Variants in PALM2AKAP2 observed in about 807,000 individuals in gnomAD.
The protein encoded by PALM2AKAP2 is PALM2-AKAP2 fusion protein.
PALM2AKAP2 carries 37 observed loss-of-function variants against 71.5 expected under a neutral mutation model. The ratio of observed to expected loss-of-function variants is 0.52; its 90% CI spans 0.40 to 0.68. The LOEUF (loss-of-function observed/expected upper bound fraction) is 0.68. PALM2AKAP2 is among the 30% of genes least tolerant of loss of function. The probability of loss-of-function intolerance (pLI) is 0.00; values close to 1 mark genes in which losing one functional copy is unlikely to be tolerated. For synonymous variants in PALM2AKAP2, 468 were observed against 478.8 expected (o/e 0.98, Z 0.29); for missense variants, 1,224 against 1,191.8 (o/e 1.03, Z -0.40).
intron 6 of PALM2AKAP2, among the ~76,000 whole-genome samples, chr9:110,007,739 G>A (rs1030326709): frequency 6.6e-6 from 1 of 152,142 alleles, no homozygotes; most frequent in Non-Finnish European, 1.5e-5. Flanking sequence ...CTCACGAAAG[G>A]CTAATAATTG....
At chr9:109,797,894 T>C (rs1471532889) in intron 1 of PALM2AKAP2, among the ~76,000 whole-genome samples, 1 of 152,210 alleles carries the variant, frequency 6.6e-6, no homozygotes, top group Non-Finnish European at 1.5e-5. Context: ...CCTAGTTCTT[T>C]TTTCCCCTAG....
chr9:110,129,083 G>A (rs1170318209), intron 1 of PALM2AKAP2, among the ~76,000 whole-genome samples: 1 of 152,166 alleles, frequency 6.6e-6, no homozygotes, highest in Admixed American at 6.5e-5. Flanking sequence ...GTGGCCAGAG[G>A]AAACAGAACC....
At chr9:110,086,901 T>A (rs970746028) in intron 1 of PALM2AKAP2, among the ~76,000 whole-genome samples, 11 of 152,338 alleles carry the variant, frequency 7.2e-5, no homozygotes, top group Admixed American at 3.3e-4. Context: ...TCCTTGGCAT[T>A]CAAAGCCTAG....
At chr9:109,950,661 A>G (rs780100483) in intron 6 of PALM2AKAP2, among the ~76,000 whole-genome samples, 79 of 152,180 alleles carry the variant, frequency 5.2e-4, no homozygotes, top group Non-Finnish European at 8.5e-4. Context: ...AGACAAGGTT[A>G]TATCTACTCC....
At chr9:110,077,020 G>A (rs1321306990) in intron 1 of PALM2AKAP2, among the ~76,000 whole-genome samples, 1 of 152,162 alleles carries the variant, frequency 6.6e-6, no homozygotes, top group African/African-American at 2.4e-5. Flanking sequence ...ATTCCAGTAG[G>A]CCTTTTATTC....
intron 1 of PALM2AKAP2, among the ~76,000 whole-genome samples, chr9:109,681,661 A>T (rs755869613): frequency 7.2e-5 from 11 of 152,218 alleles, no homozygotes; most frequent in African/African-American, 2.7e-4. Context: ...TTTTTCAGAG[A>T]AAGCTGAATG....
chr9:110,109,045 C>T (rs570446489), intron 1 of PALM2AKAP2, among the ~76,000 whole-genome samples: 5 of 152,026 alleles, frequency 3.3e-5, no homozygotes, highest in South Asian at 4.2e-4. Context: ...CGGTCCGGCG[C>T]GGTGGCTCAT....
intron 1 of PALM2AKAP2, among the ~76,000 whole-genome samples, chr9:109,859,643 A>T (rs1402280436): frequency 2.0e-5 from 3 of 152,240 alleles, no homozygotes; most frequent in Non-Finnish European, 4.4e-5. Context: ...TGGCAAGCTC[A>T]AGTCCAAATA....
intron 1 of PALM2AKAP2, among the ~76,000 whole-genome samples, chr9:109,832,831 G>A (rs990480273): frequency 6.6e-6 from 1 of 152,146 alleles, no homozygotes; most frequent in Non-Finnish European, 1.5e-5. Flanking sequence ...AAATCTCTGA[G>A]CCCCACCCTC....
intron 1 of PALM2AKAP2, among the ~76,000 whole-genome samples, chr9:109,648,975 A>G (rs1248891902): frequency 6.6e-6 from 1 of 151,808 alleles, no homozygotes; most frequent in African/African-American, 2.4e-5. Context: ...TCTGGCATTG[A>G]CCCTTGCTCT....
chr9:109,916,037 A>G (rs1373604732), intron 3 of PALM2AKAP2, among the ~76,000 whole-genome samples: 1 of 151,874 alleles, frequency 6.6e-6, no homozygotes, highest in Non-Finnish European at 1.5e-5. Flanking sequence ...TCTGCCTCCC[A>G]GGTTCAAGCG....
At chr9:109,905,718 C>T (rs924595022) in intron 3 of PALM2AKAP2, among the ~76,000 whole-genome samples, 1 of 152,252 alleles carries the variant, frequency 6.6e-6, no homozygotes, top group Admixed American at 6.5e-5. Context: ...AGGGGCCAGG[C>T]TGTCCTTGGA....
At chr9:110,004,170 G>A (rs200195554) in intron 6 of PALM2AKAP2, among the ~76,000 whole-genome samples, 2 of 152,192 alleles carry the variant, frequency 1.3e-5, no homozygotes, top group African/African-American at 2.4e-5. Context: ...GCTGGTACCA[G>A]TTTTTCCTTT....
chr9:109,891,505 G>A (rs1471843241), intron 3 of PALM2AKAP2, among the ~76,000 whole-genome samples: 1 of 152,104 alleles, frequency 6.6e-6, no homozygotes, highest in African/African-American at 2.4e-5. Flanking sequence ...GTGTGTGTGA[G>A]ACAGAGTCTC....
chr9:110,006,617 C>T (rs1832790867), intron 6 of PALM2AKAP2, among the ~76,000 whole-genome samples: 1 of 152,060 alleles, frequency 6.6e-6, no homozygotes, highest in Admixed American at 6.6e-5. Context: ...CCCACCTCAG[C>T]CTCCCAAAGT....
chr9:109,836,755 G>A (rs990332142), intron 1 of PALM2AKAP2, among the ~76,000 whole-genome samples: 4 of 152,198 alleles, frequency 2.6e-5, no homozygotes, highest in African/African-American at 4.8e-5. Flanking sequence ...TAGCTGATTC[G>A]ATCAACTGGA....
Position 110,124,636 on chromosome 9 carries a change from T to C in PALM2AKAP2, c.157-11491T>C, listed in dbSNP as rs1054842923. Among the ~76,000 whole-genome samples the C allele has an allele frequency of 2.6e-5, 4 of 152,164 alleles. No homozygotes were observed. The East Asian group carries it at 7.7e-4, about 29-fold the overall frequency. ...ACTTAGTGTAGTGCTGGGGGCCCTA[T>C]TCTGAGGTGACACTGATGTCTCTAC... On this transcript the variant is annotated intron_variant, in intron 1 of 3. Transcript: ENST00000374525.
chr9:109,712,117 A>T (rs1828251230), intron 1 of PALM2AKAP2, among the ~76,000 whole-genome samples: 1 of 152,046 alleles, frequency 6.6e-6, no homozygotes, highest in Non-Finnish European at 1.5e-5. Flanking sequence ...AGAACTGTGA[A>T]CTTTTTCACC....
intron 1 of PALM2AKAP2, among the ~76,000 whole-genome samples, chr9:109,731,187 T>C (rs1340360015): frequency 5.3e-5 from 8 of 152,340 alleles, no homozygotes; most frequent in Admixed American, 4.6e-4. Context: ...ACAGAGGAGA[T>C]TGTGTCTTAA....
Sources: allele counts gnomAD v4.1 joint callset (sites outside exome capture counted in the v4.1 genomes callset), GRCh38; gene constraint gnomAD v4.1.1; transcripts MANE v1.5; gene names NCBI Gene and HGNC (gene_info 2026-07-23, HGNC 2026-07-21).